Variants in MAF observed in about 807,000 individuals in gnomAD.
MAF encodes the protein MAF bZIP transcription factor.
A neutral mutation model predicts 22.0 loss-of-function variants in MAF; 10 were observed. The observed-to-expected ratio is 0.45, with a 90% CI of 0.28 to 0.77. The LOEUF is 0.77. MAF is among the 30% of genes least tolerant of loss of function. The pLI is 0.12. For missense variants in MAF, 544 were observed against 548.4 expected (o/e 0.99, Z 0.08); for synonymous variants, 337 against 255.8 (o/e 1.32, Z -3.03).
the MAF span, among the ~76,000 whole-genome samples, chr16:79,262,320 C>G: frequency 2.6e-5 from 4 of 152,192 alleles, no homozygotes; most frequent in Non-Finnish European, 5.9e-5. Context: ...CTCTAATACT[C>G]ACAGCCTTAC....
the MAF span, among the ~76,000 whole-genome samples, chr16:79,267,242 T>C: frequency 6.6e-6 from 1 of 152,154 alleles, no homozygotes; most frequent in African/African-American, 2.4e-5. Flanking sequence ...ATCTTGGATG[T>C]GGTGGGGTAT....
chr16:79,301,284 G>C, the MAF span, among the ~76,000 whole-genome samples: 1 of 152,182 alleles, frequency 6.6e-6, no homozygotes, highest in Non-Finnish European at 1.5e-5. Flanking sequence ...CTGCTGACCA[G>C]CGAGACCCTG....
the MAF span, among the ~76,000 whole-genome samples, chr16:79,560,858 C>T: frequency 6.6e-6 from 1 of 152,148 alleles, no homozygotes; most frequent in Non-Finnish European, 1.5e-5. Flanking sequence ...CGAGGTGTGG[C>T]GGGAAATAGG....
chr16:79,550,928 G>T, the MAF span, among the ~76,000 whole-genome samples: 25 of 152,210 alleles, frequency 1.6e-4, no homozygotes, highest in Admixed American at 9.2e-4. Context: ...CAGCATATGG[G>T]GCCACTGCAG....
At chr16:79,496,645 G>A in the MAF span, among the ~76,000 whole-genome samples, 1 of 152,176 alleles carries the variant, frequency 6.6e-6, no homozygotes, top group African/African-American at 2.4e-5. Context: ...TTCAAAGGAG[G>A]GAGTTCACAT....
the MAF span, among the ~76,000 whole-genome samples, chr16:79,210,871 C>G: frequency 6.6e-6 from 1 of 152,206 alleles, no homozygotes; most frequent in South Asian, 2.1e-4. Context: ...CAGCTGCACT[C>G]TTTGCAACTT....
chr16:79,566,036 G>C, the MAF span, among the ~76,000 whole-genome samples: 1 of 152,132 alleles, frequency 6.6e-6, no homozygotes. Flanking sequence ...TGATCCTCCT[G>C]GCTCTTAGGT....
chr16:79,474,438 C>T, the MAF span, among the ~76,000 whole-genome samples: 2 of 152,128 alleles, frequency 1.3e-5, no homozygotes, highest in African/African-American at 4.8e-5. Context: ...GCTGGGCAGA[C>T]AGACAAGCCA....
At chr16:79,408,479 T>C in the MAF span, among the ~76,000 whole-genome samples, 1 of 152,168 alleles carries the variant, frequency 6.6e-6, no homozygotes, top group African/African-American at 2.4e-5. Flanking sequence ...CCCAGCCACA[T>C]TGTGGCTTTT....
At chr16:79,387,846 C>T in the MAF span, among the ~76,000 whole-genome samples, 1 of 152,050 alleles carries the variant, frequency 6.6e-6, no homozygotes, top group South Asian at 2.1e-4. Context: ...GTGAGGATTC[C>T]AATCAACAAA....
chr16:79,360,784 AC>A, the MAF span, among the ~76,000 whole-genome samples: 2 of 152,132 alleles, frequency 1.3e-5, no homozygotes, highest in Non-Finnish European at 2.9e-5. Flanking sequence ...TGGAACAAGG[AC>A]TTGGCCTGCC....
chr16:79,555,430 G>C, the MAF span, among the ~76,000 whole-genome samples: 65,869 of 152,002 alleles, frequency 0.43, 14,746 homozygotes, highest in Admixed American at 0.5. Flanking sequence ...TAATAGGCAA[G>C]TCTTTGACAG....
chr16:79,417,055 C>T, the MAF span, among the ~76,000 whole-genome samples: 1 of 152,162 alleles, frequency 6.6e-6, no homozygotes, highest in Admixed American at 6.5e-5. Context: ...TGCTATGAGC[C>T]GAACTCACAG....
At chr16:79,415,983 T>G in the MAF span, among the ~76,000 whole-genome samples, 2 of 152,028 alleles carry the variant, frequency 1.3e-5, no homozygotes, top group Admixed American at 6.6e-5. Context: ...GCATCCCTCT[T>G]GGGTGAGACC....
the MAF span, among the ~76,000 whole-genome samples, chr16:79,446,658 C>T: frequency 6.6e-6 from 1 of 152,056 alleles, no homozygotes; most frequent in Non-Finnish European, 1.5e-5. Flanking sequence ...CATGTCTGCA[C>T]TCTCAGTGCT....
the MAF span, among the ~76,000 whole-genome samples, chr16:79,235,435 G>A: frequency 3.3e-5 from 5 of 151,958 alleles, no homozygotes; most frequent in African/African-American, 1.2e-4. Context: ...GGTGGCACAC[G>A]CCTGTAGTCC....
the MAF span, among the ~76,000 whole-genome samples, chr16:79,538,891 GAAA>G: frequency 6.7e-5 from 10 of 148,262 alleles, no homozygotes; most frequent in Admixed American, 1.3e-4. Flanking sequence ...AAGAAAGAAA[GAAA>G]GAAAGAAAGA....
the MAF span, among the ~76,000 whole-genome samples, chr16:79,334,883 GT>G: frequency 6.6e-6 from 1 of 151,556 alleles, no homozygotes; most frequent in African/African-American, 2.4e-5. Context: ...GTGTGTGTGT[GT>G]GTTTAAAGAA....
At chr16:79,384,852 GT>G in the MAF span, among the ~76,000 whole-genome samples, 1 of 152,198 alleles carries the variant, frequency 6.6e-6, no homozygotes, top group South Asian at 2.1e-4. Flanking sequence ...TCCTCCAGGG[GT>G]TGACCAGTTG....
Sources: gnomAD v4.1 joint callset for allele counts (sites outside exome capture counted in the v4.1 genomes callset) on GRCh38, gnomAD v4.1.1 for gene constraint, MANE v1.5 for transcripts, NCBI Gene and HGNC (gene_info 2026-07-23, HGNC 2026-07-21) for gene names.